The following ZMYM2 variants were observed in gnomAD, a reference collection of about 807,000 sequenced individuals.
ZMYM2 encodes zinc finger MYM-type protein 2.
Under a neutral mutation model 162.8 loss-of-function variants are expected in ZMYM2, and 56 were observed. That is an observed-to-expected ratio of 0.34 (90% CI 0.28 to 0.43). ZMYM2 has a LOEUF of 0.43. Ranked by LOEUF, ZMYM2 falls within the 20% of genes least tolerant of loss-of-function variation. The pLI is 1.00. For synonymous variants in ZMYM2, 510 were observed against 541.6 expected, an observed-to-expected ratio of 0.94 and a Z score of 0.81; for missense variants, 1,275 against 1,621.8, an observed-to-expected ratio of 0.79 and a Z score of 3.67.
chr13:19,879,887 G>A, the ZMYM2 span, among the ~76,000 whole-genome samples: 1 of 152,186 alleles, frequency 6.6e-6, no homozygotes, highest in Non-Finnish European at 1.5e-5. Flanking sequence ...AAGATTATCG[G>A]CCCTCACTAA....
chr13:20,075,660 C>G (rs941900210), intron 21 of ZMYM2, among the ~76,000 whole-genome samples: 1 of 131,298 alleles, frequency 7.6e-6, no homozygotes, highest in African/African-American at 3.0e-5. Context: ...ATGAATAGAA[C>G]TATAGACACC....
chr13:19,958,132 G>T (rs1673455057), upstream of ZMYM2, among the ~76,000 whole-genome samples: 1 of 151,602 alleles, frequency 6.6e-6, no homozygotes, highest in Non-Finnish European at 1.5e-5. Context: ...GGCCTCCACT[G>T]CCCCCAGCGC....
intron 3 of ZMYM2, among the ~76,000 whole-genome samples, chr13:19,999,937 A>G (rs753435396): frequency 2.2e-4 from 34 of 152,274 alleles, no homozygotes; most frequent in Middle Eastern, 6.8e-3. Flanking sequence ...ATCTAGGACC[A>G]TAAGAATGTG....
At chr13:19,964,065 A>G (rs1379170617) in intron 2 of ZMYM2, among the ~76,000 whole-genome samples, 1 of 152,142 alleles carries the variant, frequency 6.6e-6, no homozygotes, top group Non-Finnish European at 1.5e-5. Flanking sequence ...CATGTTTGCT[A>G]TTTCAAGAAA....
intron 2 of ZMYM2, among the ~76,000 whole-genome samples, chr13:19,981,880 C>T (rs1033018887): frequency 6.6e-6 from 1 of 151,980 alleles, no homozygotes; most frequent in African/African-American, 2.4e-5. Context: ...TGTGTGGACA[C>T]TCTAAGCCGT....
At chr13:20,003,975 T>C (rs1950566528) in intron 4 of ZMYM2, among the ~76,000 whole-genome samples, 1 of 152,092 alleles carries the variant, frequency 6.6e-6, no homozygotes, top group African/African-American at 2.4e-5. Flanking sequence ...TGATCTAGCT[T>C]CACTGGTTAA....
chr13:20,032,599 C>CTTTTTTTT (rs57294389), intron 10 of ZMYM2, among the ~76,000 whole-genome samples: 18 of 66,030 alleles, frequency 2.7e-4, no homozygotes, highest in African/African-American at 6.8e-4. Flanking sequence ...TTTTTTCTGT[C>CTTTTTTTT]TTTTTTTTTT....
At chr13:19,934,956 G>A in the ZMYM2 span, among the ~76,000 whole-genome samples, 8 of 151,722 alleles carry the variant, frequency 5.3e-5, no homozygotes, top group East Asian at 3.9e-4. Context: ...TAGTAGAGAC[G>A]AGGTTTCACC....
At chr13:20,017,514 T>C (rs1951725454) in intron 6 of ZMYM2, among the ~76,000 whole-genome samples, 1 of 152,222 alleles carries the variant, frequency 6.6e-6, no homozygotes, top group South Asian at 2.1e-4. Context: ...TTATGTCTTT[T>C]GCCAAATTTG....
intron 12 of ZMYM2, among the ~76,000 whole-genome samples, chr13:20,043,324 CA>C (rs1433418968): frequency 3.3e-5 from 5 of 152,200 alleles, no homozygotes; most frequent in Admixed American, 3.3e-4. Context: ...GATCCATCCT[CA>C]TTGGCATGTG....
At chr13:19,880,562 G>A in the ZMYM2 span, among the ~76,000 whole-genome samples, 1 of 152,076 alleles carries the variant, frequency 6.6e-6, no homozygotes, top group Admixed American at 6.6e-5. Context: ...CCAAGTAGCT[G>A]GGGTTACAGG....
At chr13:19,962,515 A>ATATTTT (rs1371972440) in intron 2 of ZMYM2, among the ~76,000 whole-genome samples, 7 of 38,928 alleles carry the variant, frequency 1.8e-4, no homozygotes, top group Non-Finnish European at 3.5e-4. Flanking sequence ...ATATATATAT[A>ATATTTT]TTTTTTTTTT....
the ZMYM2 span, among the ~76,000 whole-genome samples, chr13:19,946,669 ATCCC>A: frequency 2.0e-5 from 3 of 152,190 alleles, no homozygotes; most frequent in African/African-American, 7.2e-5. Context: ...TCACTGTTGT[ATCCC>A]TAGCACTTAC....
the ZMYM2 span, among the ~76,000 whole-genome samples, chr13:19,881,387 T>G: frequency 6.6e-6 from 1 of 151,774 alleles, no homozygotes; most frequent in East Asian, 2.0e-4. Flanking sequence ...TCTGGGAGGC[T>G]GAGGTGGGCG....
At chr13:20,037,022 C>T in intron 12 of ZMYM2, 113 bp downstream of exon 12, 2 of 976,370 alleles carry the variant, frequency 2.0e-6, no homozygotes, top group East Asian at 2.9e-5. Context: ...ACACTTAAGG[C>T]CCAGCCCTGA....
At chr13:20,072,760 TTTC>T (rs963657128) in intron 21 of ZMYM2, among the ~76,000 whole-genome samples, 16 of 148,226 alleles carry the variant, frequency 1.1e-4, no homozygotes, top group African/African-American at 4.2e-4. Flanking sequence ...AGATTTCCTG[TTTC>T]TTCTTGTACC....
chr13:19,986,379 A>G (rs1347560140), intron 2 of ZMYM2, among the ~76,000 whole-genome samples: 1 of 151,976 alleles, frequency 6.6e-6, no homozygotes, highest in Admixed American at 6.6e-5. Flanking sequence ...AACAAAAAAA[A>G]AAAGAAGGGT....
At chr13:19,927,622 C>G in the ZMYM2 span, among the ~76,000 whole-genome samples, 95 of 152,224 alleles carry the variant, frequency 6.2e-4, no homozygotes, top group Middle Eastern at 3.4e-3. Flanking sequence ...TGTAGTCTTT[C>G]CTTGTGTTCA....
In ZMYM2 at chr13:20,036,635, G is replaced by C. The variant is rs1394201328; in HGVS notation, c.2120-102G>C. 1.1e-5 allele frequency: 10 copies of C among 942,886 alleles called. No homozygotes were observed. In the South Asian group the frequency reaches 1.2e-4, roughly 12 times the overall value. The allele number at this position is 942,886 out of a possible 1,614,324, so 58.4% of individuals were successfully genotyped here. On this transcript the variant is annotated intron_variant, in intron 11 of 24. Coordinates refer to ENST00000610343, the MANE Select transcript of ZMYM2 (RefSeq NM_197968.4). ...TGATTACAGTAGATTTTATAGTTTT[G>C]ATCAGGAGAGGAAAAATCTTGACCA...
Sources: allele counts gnomAD v4.1 joint callset (sites outside exome capture counted in the v4.1 genomes callset), GRCh38; gene constraint gnomAD v4.1.1; transcripts MANE v1.5; gene names NCBI Gene and HGNC (gene_info 2026-07-23, HGNC 2026-07-21).